Variants in SSBP2 observed in about 807,000 individuals in gnomAD.
SSBP2 encodes the protein single stranded DNA binding protein 2.
In SSBP2, 17 loss-of-function variants were observed where a neutral mutation model predicts 61.8. The observed-to-expected ratio is 0.28, with a 90% CI of 0.19 to 0.41. SSBP2 has a LOEUF of 0.41. Among genes scored for constraint, SSBP2 ranks in the 10% least tolerant of loss-of-function variants. The probability of loss-of-function intolerance (pLI) is 1.00; values close to 1 mark genes in which losing one functional copy is unlikely to be tolerated. For missense variants in SSBP2, 310 were observed against 458.7 expected, an observed-to-expected ratio of 0.68 and a Z score of 2.96; for synonymous variants, 139 against 141.3, an observed-to-expected ratio of 0.98 and a Z score of 0.12.
intron 4 of SSBP2, among the ~76,000 whole-genome samples, chr5:81,575,420 G>A (rs1183255334): frequency 5.3e-5 from 8 of 152,106 alleles, no homozygotes; most frequent in African/African-American, 1.9e-4. Flanking sequence ...AAAGTAGAAG[G>A]TTCTTTCATA....
chr5:81,667,756 G>T (rs956581339), intron 1 of SSBP2, among the ~76,000 whole-genome samples: 27 of 152,186 alleles, frequency 1.8e-4, no homozygotes, highest in Non-Finnish European at 3.8e-4. Flanking sequence ...CCTCTACAGA[G>T]AAAACAATAT....
Position 81,747,027 on chromosome 5 carries a change from G to A in SSBP2, c.62+3954C>T, listed in dbSNP as rs139746671. 2.9e-3 allele frequency among the ~76,000 whole-genome samples: 410 copies of A among 141,046 alleles called. 10 individuals are homozygous for A. The highest frequency in any genetic ancestry group is 9.9e-3 in the African/African-American group (385 of 38,776). The allele number at this position is 141,046 out of a possible 152,430, so 92.5% of individuals were successfully genotyped here. ...AAGCAATCAAACAAAATTCCTGGGG[G>A]GGGGGGGAATCTGAAGAAACAAGTT... On this transcript the variant is annotated intron_variant, in intron 1 of 16. Transcript: ENST00000320672.
At chr5:81,712,280 C>T (rs1012742472) in intron 1 of SSBP2, among the ~76,000 whole-genome samples, 1 of 151,674 alleles carries the variant, frequency 6.6e-6, no homozygotes, top group East Asian at 1.9e-4. Context: ...CCTCCAGCCA[C>T]ATAACAGTTA....
chr5:81,461,538 G>T (rs1389619967), intron 9 of SSBP2, among the ~76,000 whole-genome samples: 2 of 151,660 alleles, frequency 1.3e-5, no homozygotes, highest in African/African-American at 4.8e-5. Context: ...TAAAATGATT[G>T]ATCTTAAGCT....
At chr5:81,520,414 T>C (rs1427058233) in intron 4 of SSBP2, among the ~76,000 whole-genome samples, 1 of 152,188 alleles carries the variant, frequency 6.6e-6, no homozygotes, top group Non-Finnish European at 1.5e-5. Context: ...ATGATTATAA[T>C]TTATTTGCCA....
chr5:81,643,521 A>G (rs979661485), intron 2 of SSBP2, among the ~76,000 whole-genome samples: 3 of 151,772 alleles, frequency 2.0e-5, no homozygotes, highest in African/African-American at 7.3e-5. Flanking sequence ...TCTCTCATGT[A>G]TAGAAGCATG....
intron 2 of SSBP2, among the ~76,000 whole-genome samples, chr5:81,648,612 G>C (rs1749470906): frequency 6.6e-6 from 1 of 152,088 alleles, no homozygotes; most frequent in Non-Finnish European, 1.5e-5. Flanking sequence ...GATCACCAGA[G>C]ATAATACGAT....
chr5:81,627,772 T>A (rs973481588), intron 3 of SSBP2, among the ~76,000 whole-genome samples: 1 of 152,088 alleles, frequency 6.6e-6, no homozygotes, highest in Non-Finnish European at 1.5e-5. Context: ...AAAAATGAGG[T>A]ATAGGCTGGT....
chr5:81,615,638 GT>G, intron 3 of SSBP2, 81 bp from the exon 4 acceptor site: 1 of 933,248 alleles, frequency 1.1e-6, no homozygotes, highest in South Asian at 1.5e-5. Context: ...TAGAAGACAT[GT>G]TTTTCTTTAT....
intron 16 of SSBP2, among the ~76,000 whole-genome samples, chr5:81,427,731 TC>T (rs1762040278): frequency 6.6e-6 from 1 of 152,152 alleles, no homozygotes; most frequent in Non-Finnish European, 1.5e-5. Flanking sequence ...GGTTTTGAAA[TC>T]TTTTATGCTA....
chr5:81,668,619 A>G (rs1050005805), intron 1 of SSBP2, among the ~76,000 whole-genome samples: 3 of 152,108 alleles, frequency 2.0e-5, no homozygotes, highest in Non-Finnish European at 4.4e-5. Flanking sequence ...TTACTACTTA[A>G]ATGGCCTTTC....
At chr5:81,686,222 T>C (rs1457157639) in intron 1 of SSBP2, among the ~76,000 whole-genome samples, 2 of 152,216 alleles carry the variant, frequency 1.3e-5, no homozygotes, top group Non-Finnish European at 2.9e-5. Context: ...TATTGAAATA[T>C]GTATGCCTTA....
intron 4 of SSBP2, among the ~76,000 whole-genome samples, chr5:81,522,822 C>T (rs1033244988): frequency 1.3e-4 from 20 of 151,992 alleles, no homozygotes; most frequent in African/African-American, 4.3e-4. Context: ...CACTGTGCTA[C>T]TTTTTTTGGT....
intron 4 of SSBP2, among the ~76,000 whole-genome samples, chr5:81,516,960 A>G (rs1769072210): frequency 6.6e-6 from 1 of 152,114 alleles, no homozygotes; most frequent in Non-Finnish European, 1.5e-5. Context: ...ACCATAAAGC[A>G]TGTATTATTA....
At chr5:81,669,121 A>G (rs1320043676) in intron 1 of SSBP2, among the ~76,000 whole-genome samples, 2 of 152,216 alleles carry the variant, frequency 1.3e-5, no homozygotes, top group Non-Finnish European at 2.9e-5. Context: ...ATATATGTAA[A>G]AAGTAATGAA....
intron 4 of SSBP2, among the ~76,000 whole-genome samples, chr5:81,575,100 T>C (rs1411480414): frequency 6.6e-6 from 1 of 152,122 alleles, no homozygotes; most frequent in Non-Finnish European, 1.5e-5. Context: ...AAACCCCGTC[T>C]CTACTAAAAA....
chr5:81,460,683 A>T (rs1764474587), intron 10 of SSBP2, among the ~76,000 whole-genome samples: 1 of 152,206 alleles, frequency 6.6e-6, no homozygotes. Flanking sequence ...GCTTCTTCTA[A>T]CAGGTTGATT....
chr5:81,492,598 T>C (rs939837282), intron 5 of SSBP2, among the ~76,000 whole-genome samples: 3 of 152,136 alleles, frequency 2.0e-5, no homozygotes, highest in Non-Finnish European at 4.4e-5. Context: ...TTTTTTTTTT[T>C]TAAGTTTGAG....
At chr5:81,421,301 C>T (rs1295150933) in intron 16 of SSBP2, among the ~76,000 whole-genome samples, 1 of 152,080 alleles carries the variant, frequency 6.6e-6, no homozygotes, top group African/African-American at 2.4e-5. Flanking sequence ...CAGGTGATCC[C>T]ACCACCTCAG....
Sources: allele counts gnomAD v4.1 joint callset (sites outside exome capture counted in the v4.1 genomes callset), GRCh38; gene constraint gnomAD v4.1.1; transcripts MANE v1.5; gene names NCBI Gene and HGNC (gene_info 2026-07-23, HGNC 2026-07-21).